Variants in OLA1 observed in about 807,000 individuals in gnomAD.
OLA1 encodes Obg like ATPase 1.
OLA1 carries 14 observed loss-of-function variants against 48.4 expected under a neutral mutation model. The ratio of observed to expected loss-of-function variants is 0.29; its 90% confidence interval spans 0.19 to 0.45. The LOEUF (loss-of-function observed/expected upper bound fraction) is 0.45, where lower values mean the gene tolerates loss of function less well. Among genes scored for constraint, OLA1 ranks in the 20% least tolerant of loss-of-function variants. OLA1 has a pLI of 1.00. For synonymous variants in OLA1, 127 were observed against 150.4 expected (o/e 0.84, Z 1.14); for missense variants, 325 against 467.1 (o/e 0.70, Z 2.80).
chr2:174,121,818 A>G (rs918320254), intron 7 of OLA1, among the ~76,000 whole-genome samples: 1 of 152,154 alleles, frequency 6.6e-6, no homozygotes, highest in Non-Finnish European at 1.5e-5. Context: ...AGAGCCAGGG[A>G]GTTCTACCTG....
intron 5 of OLA1, among the ~76,000 whole-genome samples, chr2:174,139,875 A>C (rs1686400114): frequency 6.8e-6 from 1 of 147,596 alleles, no homozygotes; most frequent in South Asian, 2.2e-4. Context: ...AAAAAAAAAA[A>C]AAAAAGAAAG....
chr2:174,160,719 C>T (rs1686990119), intron 4 of OLA1, among the ~76,000 whole-genome samples: 3 of 152,146 alleles, frequency 2.0e-5, no homozygotes, highest in South Asian at 4.1e-4. Context: ...CTTCATAAAG[C>T]CCTAACTAGT....
At chr2:174,105,315 G>A (rs1295824213) in intron 7 of OLA1, among the ~76,000 whole-genome samples, 3 of 151,948 alleles carry the variant, frequency 2.0e-5, no homozygotes, top group East Asian at 1.9e-4. Context: ...AAACAGAAAT[G>A]CAAAACAATC....
intron 5 of OLA1, among the ~76,000 whole-genome samples, chr2:174,131,827 A>G (rs948430612): frequency 2.0e-5 from 3 of 152,034 alleles, no homozygotes; most frequent in African/African-American, 7.2e-5. Context: ...TCTCTGAGGA[A>G]TGGCCTTTTA....
intron 4 of OLA1, among the ~76,000 whole-genome samples, chr2:174,208,738 C>G (rs1688170884): frequency 6.6e-6 from 1 of 152,210 alleles, no homozygotes; most frequent in Non-Finnish European, 1.5e-5. Flanking sequence ...CTCTACATAT[C>G]TGTACTCCCT....
intron 5 of OLA1, among the ~76,000 whole-genome samples, chr2:174,128,526 TTG>T (rs1686098293): frequency 1.3e-5 from 2 of 152,018 alleles, no homozygotes; most frequent in Admixed American, 1.3e-4. Context: ...GGTCAGGAGT[TTG>T]AGAACAGCTT....
intron 2 of OLA1, among the ~76,000 whole-genome samples, chr2:174,242,769 G>A (rs1046594199): frequency 1.3e-5 from 2 of 152,148 alleles, no homozygotes; most frequent in East Asian, 1.9e-4. Context: ...GTATCAAAAC[G>A]TACTTTCGCC....
Position 174,235,508 on chromosome 2 carries a change from A to T in OLA1, c.102-6057T>A, listed in dbSNP as rs551122087. Among the ~76,000 whole-genome samples, 3 of 152,348 alleles carry T rather than the reference A, an allele frequency of 2.0e-5. No homozygotes were observed. In the South Asian group the frequency reaches 6.2e-4, roughly 32 times the overall value. ...AATAATAGTTTTCACACAAAGGACA[A>T]TATGCATCACAGGACTGTGTTCCCT... On this transcript the variant is annotated intron_variant, in intron 2 of 10. Coordinates refer to ENST00000284719, the MANE Select transcript of OLA1 (RefSeq NM_013341.5).
intron 9 of OLA1, among the ~76,000 whole-genome samples, chr2:174,080,117 C>A (rs746109184): frequency 1.3e-5 from 2 of 151,946 alleles, no homozygotes; most frequent in Non-Finnish European, 2.9e-5. Flanking sequence ...TATAAAAGGA[C>A]CTTGGTTAGA....
At chr2:174,163,750 ATATATATATATATATATATATATAT>A (rs1558984585) in intron 4 of OLA1, among the ~76,000 whole-genome samples, 4 of 49,752 alleles carry the variant, frequency 8.0e-5, no homozygotes, top group Non-Finnish European at 1.6e-4. Flanking sequence ...ATATATATAT[ATATATATATATATATATATATATAT>A]AAATAAATGT....
intron 7 of OLA1, among the ~76,000 whole-genome samples, chr2:174,093,283 T>C (rs1237299379): frequency 6.6e-6 from 1 of 151,792 alleles, no homozygotes; most frequent in East Asian, 1.9e-4. Context: ...CCCATCTCTA[T>C]GAATAAAAAA....
intron 5 of OLA1, among the ~76,000 whole-genome samples, chr2:174,132,376 TTATC>T (rs573676160): frequency 6.3e-4 from 96 of 152,220 alleles, no homozygotes; most frequent in African/African-American, 2.1e-3. Context: ...TTGTTTCCCT[TTATC>T]TAATTTCTCT....
intron 4 of OLA1, among the ~76,000 whole-genome samples, chr2:174,206,230 TG>T (rs1559004649): frequency 6.6e-6 from 1 of 152,044 alleles, no homozygotes; most frequent in Non-Finnish European, 1.5e-5. Context: ...ACAAGAAAAA[TG>T]AGGTTCAAAC....
At chr2:174,081,500 T>G (rs1264143002) in intron 8 of OLA1, among the ~76,000 whole-genome samples, 1 of 151,990 alleles carries the variant, frequency 6.6e-6, no homozygotes, top group Non-Finnish European at 1.5e-5. Flanking sequence ...AAAAGAAAAA[T>G]TATGACTATT....
chr2:174,191,531 T>C (rs1264574138), intron 4 of OLA1, among the ~76,000 whole-genome samples: 6 of 152,076 alleles, frequency 3.9e-5, no homozygotes, highest in Non-Finnish European at 8.8e-5. Flanking sequence ...CACAGCTCAC[T>C]GCAGCCTTGA....
At chr2:174,112,495 G>A (rs1211268530) in intron 7 of OLA1, among the ~76,000 whole-genome samples, 1 of 152,200 alleles carries the variant, frequency 6.6e-6, no homozygotes, top group Non-Finnish European at 1.5e-5. Context: ...TCATAGTGCT[G>A]TGGTTTGAAT....
chr2:174,132,741 GT>G (rs1446130080), intron 5 of OLA1, among the ~76,000 whole-genome samples: 1 of 151,928 alleles, frequency 6.6e-6, no homozygotes, highest in African/African-American at 2.4e-5. Context: ...TTGTTTAATT[GT>G]TTTATGGCCA....
chr2:174,077,396 C>A (rs1414545694), intron 10 of OLA1, among the ~76,000 whole-genome samples: 1 of 152,026 alleles, frequency 6.6e-6, no homozygotes, highest in Non-Finnish European at 1.5e-5. Context: ...GCTCTCAAAT[C>A]TAAAACCTAC....
chr2:174,200,323 G>A (rs1687964365), intron 4 of OLA1, among the ~76,000 whole-genome samples: 1 of 152,080 alleles, frequency 6.6e-6, no homozygotes, highest in Admixed American at 6.6e-5. Flanking sequence ...CTTTCCATAG[G>A]AAGACAGGTG....
Sources: allele counts gnomAD v4.1 joint callset (sites outside exome capture counted in the v4.1 genomes callset), GRCh38; gene constraint gnomAD v4.1.1; transcripts MANE v1.5; gene names NCBI Gene and HGNC (gene_info 2026-07-23, HGNC 2026-07-21).